PIK3AP1: variants seen among roughly 807,000 people sequenced by gnomAD.
The protein encoded by PIK3AP1 is phosphoinositide 3-kinase adapter protein 1.
Under a neutral mutation model 88.1 loss-of-function variants are expected in PIK3AP1, and 21 were observed. That is an observed-to-expected ratio of 0.24 (90% CI 0.17 to 0.34). PIK3AP1 has a LOEUF of 0.34. Among genes scored for constraint, PIK3AP1 ranks in the 10% least tolerant of loss-of-function variants. The probability of loss-of-function intolerance (pLI) is 1.00; values close to 1 mark genes in which losing one functional copy is unlikely to be tolerated. For missense variants in PIK3AP1, 828 were observed against 1,035.7 expected, an observed-to-expected ratio of 0.80 and a Z score of 2.75; for synonymous variants, 398 against 400.0, an observed-to-expected ratio of 1.00 and a Z score of 0.06.
At chr10:96,623,915 T>A (rs966188024) in intron 10 of PIK3AP1, among the ~76,000 whole-genome samples, 1 of 152,216 alleles carries the variant, frequency 6.6e-6, no homozygotes, top group African/African-American at 2.4e-5. Context: ...GACAGAACTC[T>A]AAGCAGTAGA....
At chr10:96,670,266 C>T (rs1348434073) in intron 2 of PIK3AP1, among the ~76,000 whole-genome samples, 6 of 151,990 alleles carry the variant, frequency 3.9e-5, no homozygotes, top group South Asian at 2.1e-4. Flanking sequence ...AAGCTCCCCT[C>T]GGTCAAATAG....
Position 96,595,055 on chromosome 10 carries a change from A to G in PIK3AP1, c.*522T>C, listed in dbSNP as rs11592969. On this transcript the variant is annotated 3_prime_UTR_variant, in exon 17 of 17. Transcript: ENST00000339364. ...TGTACTAATCCCTCTAGTCTTTTTC[A>G]GTTGGTTGTGTGTGACCAGCCCTAG... 0.11 allele frequency: 16,606 copies of G among 154,998 alleles called. 1,063 individuals carry two copies. The highest frequency in any genetic ancestry group is 0.15 in the Non-Finnish European group (10,245 of 69,702). The allele number at this position is 154,998 out of a possible 1,614,324, so 9.6% of individuals were successfully genotyped here.
chr10:96,647,022 C>T (rs905760980), intron 7 of PIK3AP1, among the ~76,000 whole-genome samples: 3 of 152,074 alleles, frequency 2.0e-5, no homozygotes, highest in Admixed American at 6.6e-5. Context: ...CAGATCTCAC[C>T]TTTGGTTTTG....
intron 3 of PIK3AP1, among the ~76,000 whole-genome samples, chr10:96,653,807 T>C (rs1178874045): frequency 1.3e-5 from 2 of 152,196 alleles, no homozygotes; most frequent in African/African-American, 2.4e-5. Flanking sequence ...TCTTTTGATT[T>C]CATTTTGCAT....
intron 2 of PIK3AP1, among the ~76,000 whole-genome samples, chr10:96,698,047 A>C (rs2134280360): frequency 6.6e-6 from 1 of 152,330 alleles, no homozygotes; most frequent in Non-Finnish European, 1.5e-5. Context: ...ATTCCATTGC[A>C]TAGATGCAAC....
chr10:96,609,616 A>T, intron 14 of PIK3AP1, 96 bp downstream of exon 14: 2 of 1,401,568 alleles, frequency 1.4e-6, no homozygotes, highest in Non-Finnish European at 1.9e-6. Context: ...CCCACTGGAG[A>T]TCTCCTGGGC....
intron 1 of PIK3AP1, among the ~76,000 whole-genome samples, chr10:96,718,164 A>T (rs927670264): frequency 1.3e-5 from 2 of 152,220 alleles, no homozygotes; most frequent in African/African-American, 4.8e-5. Context: ...TAAAAGGTTG[A>T]TACCTAAAGC....
chr10:96,623,703 A>C lies in PIK3AP1; in HGVS notation c.1670-166T>G, dbSNP rs1843118438. 2.0e-5 allele frequency among the ~76,000 whole-genome samples: 3 copies of C among 152,348 alleles called. No individual in the cohort carries two copies. In the South Asian group the frequency reaches 6.2e-4, roughly 32 times the overall value. On this transcript the variant is annotated intron_variant, in intron 10 of 16. Transcript: ENST00000339364. The stretch of plus-strand genomic sequence containing the variant: ...ACTAGGAATTGTCAAGTAATGGCAG[A>C]CTAAACAGACACAATCTCAAACTAG...
intron 2 of PIK3AP1, among the ~76,000 whole-genome samples, chr10:96,702,605 G>C (rs1844312422): frequency 1.5e-5 from 2 of 137,568 alleles, no homozygotes; most frequent in Admixed American, 7.5e-5. Flanking sequence ...TAGACTTTAA[G>C]TGTTCTCACC....
chr10:96,700,685 A>C (rs1001557480), intron 2 of PIK3AP1: 13 of 451,030 alleles, frequency 2.9e-5, no homozygotes, highest in Non-Finnish European at 3.8e-5. Flanking sequence ...AACAGCCCAC[A>C]GGCACAAGGC....
chr10:96,630,688 A>T (rs1415562476), intron 8 of PIK3AP1, among the ~76,000 whole-genome samples: 1 of 151,910 alleles, frequency 6.6e-6, no homozygotes, highest in Non-Finnish European at 1.5e-5. Flanking sequence ...AAAAAAGAAA[A>T]AAAAATTGGC....
chr10:96,610,071 C>T (rs1399726455), intron 13 of PIK3AP1, among the ~76,000 whole-genome samples: 1 of 152,168 alleles, frequency 6.6e-6, no homozygotes, highest in Non-Finnish European at 1.5e-5. Context: ...TCCTGTGTGG[C>T]TGTCACTGAG....
intron 8 of PIK3AP1, among the ~76,000 whole-genome samples, chr10:96,631,339 G>T (rs2134212864): frequency 6.6e-6 from 1 of 152,330 alleles, no homozygotes; most frequent in South Asian, 2.1e-4. Flanking sequence ...AAAGCCTCAT[G>T]CAATGGTCCA....
intron 6 of PIK3AP1, 147 bp downstream of exon 6, chr10:96,651,101 A>C: frequency 1.9e-6 from 2 of 1,064,988 alleles, no homozygotes; most frequent in East Asian, 5.0e-5. Context: ...TAACCAGTCA[A>C]GAATGAGTCC....
At chr10:96,669,790 A>G (rs886330897) in intron 2 of PIK3AP1, among the ~76,000 whole-genome samples, 1 of 151,896 alleles carries the variant, frequency 6.6e-6, no homozygotes, top group Non-Finnish European at 1.5e-5. Flanking sequence ...CAAAAAAAAA[A>G]CCAGAGAGAA....
chr10:96,718,510 C>T (rs879694171), intron 1 of PIK3AP1, among the ~76,000 whole-genome samples: 4 of 152,166 alleles, frequency 2.6e-5, no homozygotes, highest in African/African-American at 7.2e-5. Context: ...AGTGGTGTCT[C>T]GCCACAGAAG....
intron 2 of PIK3AP1, among the ~76,000 whole-genome samples, chr10:96,700,097 G>A (rs1043224451): frequency 6.6e-6 from 1 of 152,100 alleles, no homozygotes; most frequent in Non-Finnish European, 1.5e-5. Context: ...ATTCTCACAC[G>A]AGCGGAAATT....
intron 8 of PIK3AP1, among the ~76,000 whole-genome samples, chr10:96,629,370 C>T (rs766953628): frequency 6.6e-5 from 10 of 151,466 alleles, no homozygotes; most frequent in East Asian, 3.9e-4. Context: ...AACTGGATTC[C>T]GGAGGGGGTT....
intron 8 of PIK3AP1, among the ~76,000 whole-genome samples, chr10:96,641,513 A>G (rs1406275291): frequency 1.3e-5 from 2 of 152,164 alleles, no homozygotes; most frequent in East Asian, 3.8e-4. Context: ...CAGGGTTACC[A>G]CAGTCAATGG....
Sources: gnomAD v4.1 joint callset for allele counts (sites outside exome capture counted in the v4.1 genomes callset) on GRCh38, gnomAD v4.1.1 for gene constraint, MANE v1.5 for transcripts, NCBI Gene and HGNC (gene_info 2026-07-23, HGNC 2026-07-21) for gene names.